Variants in ITSN1 observed in about 807,000 individuals in gnomAD.
ITSN1 encodes the protein intersectin-1.
In ITSN1, 58 loss-of-function variants were observed where a neutral mutation model predicts 239.8. That is an observed-to-expected ratio of 0.24 (90% confidence interval 0.20 to 0.30). ITSN1 has a LOEUF of 0.30. Ranked by LOEUF, ITSN1 falls within the 10% of genes least tolerant of loss-of-function variation. The pLI is 1.00. For missense variants in ITSN1, 1,558 were observed against 2,103.3 expected (o/e 0.74, Z 5.07); for synonymous variants, 780 against 770.8 (o/e 1.01, Z -0.20).
chr21:33,782,057 G>C lies in ITSN1; in HGVS notation c.1748G>C (p.Arg583Pro). The C allele has an allele frequency of 6.2e-7, 1 of 1,613,706 alleles. No individual in the cohort carries two copies. Among genetic ancestry groups the C allele is most frequent in the South Asian group, 1.1e-5 (1 of 91,066 alleles). The change falls in exon 16 of 40, where the codon CGA becomes CCA. Residue 583 changes from arginine (R) to proline (P), a missense_variant. This residue lies in a region of ITSN1 where 982 missense variants were observed against 1,209.9 expected (regional missense o/e 0.81). Coordinates refer to ENST00000381318, the MANE Select transcript of ITSN1 (RefSeq NM_003024.3). ...EAKELARQHLRDQLDEVEKET... is the reference protein window; with the variant it reads ...EAKELARQHLPDQLDEVEKET... ...AAAGAACTAGCTCGGCAGCACCTAC[G>C]AGACCAACTGGATGAAGTGGAGAAA...
At chr21:33,870,745 G>T (rs1982566713) in intron 33 of ITSN1, among the ~76,000 whole-genome samples, 2 of 152,170 alleles carry the variant, frequency 1.3e-5, no homozygotes, top group African/African-American at 2.4e-5. Flanking sequence ...GGCCAACAGG[G>T]TGAGACCCTG....
At chr21:33,750,112 T>C (rs1389927073) in intron 5 of ITSN1, 31 bp from the exon 6 acceptor site, 1 of 1,604,074 alleles carries the variant, frequency 6.2e-7, no homozygotes, top group South Asian at 1.1e-5. Context: ...TGATTGGATG[T>C]GAATGGTGTT....
chr21:33,697,558 A>G (rs954431647), intron 1 of ITSN1, among the ~76,000 whole-genome samples: 5 of 152,104 alleles, frequency 3.3e-5, no homozygotes, highest in Non-Finnish European at 7.3e-5. Context: ...ACTGGAAAGT[A>G]TGTGAGTTGA....
intron 31 of ITSN1, among the ~76,000 whole-genome samples, chr21:33,864,227 A>C (rs56373585): frequency 0.013 from 2,032 of 152,340 alleles, 42 homozygotes; most frequent in African/African-American, 0.047. Flanking sequence ...TGTTAAAGTC[A>C]TAGGTTATAC....
intron 22 of ITSN1, chr21:33,814,465 C>T (rs1045145706): frequency 1.1e-5 from 2 of 181,532 alleles, no homozygotes; most frequent in Admixed American, 1.1e-4. Flanking sequence ...TTTGTCTAGA[C>T]CATTGAGTTT....
rs1981391990 is a variant in ITSN1 at position 33,865,441 on chromosome 21, G to A, written c.4074+107G>A. On this transcript the variant is annotated intron_variant, in intron 32 of 39. Transcript: ENST00000381318. This position sits in a 1 kb window ranked among gnomAD's most constrained non-coding sequence, Gnocchi z 4.4. ...GTCTGCAAGAGTGTTCCCACTAGAG[G>A]CCAACAGGGCCTAGGGTCTTGGCTA... The A allele has an allele frequency of 1.1e-6, 1 of 900,740 alleles. No individual in the cohort carries two copies. Among genetic ancestry groups the A allele is most frequent in the Admixed American group, 3.0e-5 (1 of 33,066 alleles). The allele number at this position is 900,740 out of a possible 1,614,324, so 55.8% of individuals were successfully genotyped here.
At chr21:33,652,978 G>A (rs192987299) in intron 1 of ITSN1, among the ~76,000 whole-genome samples, 4 of 151,364 alleles carry the variant, frequency 2.6e-5, no homozygotes, top group Admixed American at 2.6e-4. Flanking sequence ...TCCACTTAAA[G>A]TACTGTGACT....
At chr21:33,707,542 T>C (rs1221716091) in intron 1 of ITSN1, among the ~76,000 whole-genome samples, 1 of 152,238 alleles carries the variant, frequency 6.6e-6, no homozygotes, top group Non-Finnish European at 1.5e-5. Context: ...CCTCTCTGTT[T>C]TGTGTCCTTT....
chr21:33,820,359 T>C (rs1364549105), intron 24 of ITSN1, among the ~76,000 whole-genome samples: 2 of 152,240 alleles, frequency 1.3e-5, no homozygotes, highest in Non-Finnish European at 2.9e-5. Context: ...GTTTTCTGTG[T>C]AGACATCTGA....
intron 1 of ITSN1, among the ~76,000 whole-genome samples, chr21:33,717,942 T>A (rs2065260565): frequency 6.6e-6 from 1 of 152,184 alleles, no homozygotes; most frequent in South Asian, 2.1e-4. Context: ...GAATAAATAA[T>A]GCCTGATGGA....
chr21:33,689,625 A>G (rs2091412792), intron 1 of ITSN1, among the ~76,000 whole-genome samples: 1 of 152,170 alleles, frequency 6.6e-6, no homozygotes, highest in Non-Finnish European at 1.5e-5. Context: ...ACAGTGAGCT[A>G]TGATCGCACC....
At position 33,865,435 on chromosome 21, in the gene ITSN1, C is replaced by T. The variant is rs551814929; in HGVS notation, c.4074+101C>T. ...TCAAAAGTCTGCAAGAGTGTTCCCA[C>T]TAGAGGCCAACAGGGCCTAGGGTCT... On this transcript the variant is annotated intron_variant, in intron 32 of 39. Coordinates refer to ENST00000381318, the MANE Select transcript of ITSN1 (RefSeq NM_003024.3). The surrounding 1 kb of genome is among the most constrained non-coding windows in gnomAD (Gnocchi z 4.4). 9 of 995,696 alleles carry T rather than the reference C, an allele frequency of 9.0e-6. No homozygotes were observed. Among genetic ancestry groups the T allele is most frequent in the East Asian group, 2.7e-5 (1 of 36,986 alleles). 61.7% of individuals were successfully genotyped at this position (995,696 alleles called of 1,614,324 possible).
intron 33 of ITSN1, among the ~76,000 whole-genome samples, chr21:33,873,045 C>T (rs1983024954): frequency 6.6e-6 from 1 of 152,168 alleles, no homozygotes. Flanking sequence ...CTCTAGAAAA[C>T]CCCTAAGCCT....
chr21:33,704,907 A>T (rs1409314386), intron 1 of ITSN1, among the ~76,000 whole-genome samples: 34 of 136,258 alleles, frequency 2.5e-4, no homozygotes, highest in East Asian at 8.8e-4. Flanking sequence ...GCTAACATGG[A>T]GAAACCCATC....
At chr21:33,720,735 A>G (rs977437165) in intron 2 of ITSN1, among the ~76,000 whole-genome samples, 4 of 152,180 alleles carry the variant, frequency 2.6e-5, no homozygotes, top group Non-Finnish European at 5.9e-5. Context: ...TTAATATTTT[A>G]ATCACCCCCC....
At chr21:33,674,886 G>T (rs1318367511) in intron 1 of ITSN1, among the ~76,000 whole-genome samples, 1 of 152,048 alleles carries the variant, frequency 6.6e-6, no homozygotes, top group East Asian at 1.9e-4. Flanking sequence ...TCTTTTATGT[G>T]TAGGACTTTT....
chr21:33,827,608 G>A (rs891944330), intron 26 of ITSN1, among the ~76,000 whole-genome samples: 9 of 151,980 alleles, frequency 5.9e-5, no homozygotes, highest in Non-Finnish European at 1.2e-4. Context: ...TCCCATTAAT[G>A]TAGAAGCCAT....
intron 9 of ITSN1, among the ~76,000 whole-genome samples, chr21:33,764,050 T>TAAA (rs1438997009): frequency 2.0e-5 from 3 of 152,220 alleles, no homozygotes; most frequent in Non-Finnish European, 4.4e-5. Flanking sequence ...CAGAACTCTT[T>TAAA]AAATCAGGGT....
chr21:33,790,046 T>C (rs1302384990), intron 16 of ITSN1, among the ~76,000 whole-genome samples: 3 of 152,188 alleles, frequency 2.0e-5, no homozygotes, highest in Admixed American at 6.6e-5. Context: ...AGAATCTTGA[T>C]ATGCCAGTAA....
Sources: gnomAD v4.1 joint callset for allele counts (sites outside exome capture counted in the v4.1 genomes callset) on GRCh38, gnomAD v4.1.1 for gene constraint, gnomAD v4.1.1 regional missense constraint, Gnocchi (gnomAD v3.1) non-coding constraint, MANE v1.5 for transcripts, NCBI Gene and HGNC (gene_info 2026-07-23, HGNC 2026-07-21) for gene names.